The following PRAG1 variants were observed in gnomAD, a reference collection of about 807,000 sequenced individuals.
PRAG1 encodes inactive tyrosine-protein kinase PRAG1.
In PRAG1, 110 loss-of-function variants were observed where a neutral mutation model predicts 95.6. That is an observed-to-expected ratio of 1.15 (90% CI 0.99 to 1.35). PRAG1 has a LOEUF of 1.35. Among genes scored for constraint, PRAG1 ranks in the 40% most tolerant of loss-of-function variants. The pLI is 0.00. For synonymous variants in PRAG1, 1,052 were observed against 819.4 expected (o/e 1.28, Z -4.85); for missense variants, 2,554 against 1,864.7 (o/e 1.37, Z -6.81).
At chr8:8,348,210 C>T (rs1030779503) in intron 3 of PRAG1, among the ~76,000 whole-genome samples, 2 of 152,360 alleles carry the variant, frequency 1.3e-5, no homozygotes, top group Admixed American at 6.5e-5. Flanking sequence ...AGCCACCACA[C>T]CCAGCAATTC....
rs13269488 is a variant in PRAG1, at chr8:8,318,699, C to T, written c.3676G>A (p.Gly1226Ser). ...TTCTTCTGCTGCAGGTTTGGGGTGC[C>T]GCCCGGCTTCTGCTTGGCCTTCAAA... ...NFLKAKQKPG[G>S]TPNLQQKKSQ... The change falls in exon 6 of 6, where the codon GGC becomes AGC. Residue 1226 changes from glycine (G) to serine (S), a missense_variant. Transcript: ENST00000615670. The surrounding 1 kb of genome is among the most constrained non-coding windows in gnomAD (Gnocchi z 4.2). 0.53 allele frequency: 847,084 copies of T among 1,608,978 alleles called. 224,650 individuals carry two copies. The highest frequency in any genetic ancestry group is 0.58 in the East Asian group (26,106 of 44,690).
chr8:8,344,821 AC>A (rs758144399), intron 3 of PRAG1, among the ~76,000 whole-genome samples: 41 of 152,186 alleles, frequency 2.7e-4, no homozygotes, highest in Non-Finnish European at 5.9e-4. Context: ...TTTCCATCAG[AC>A]CCCTCAGTGG....
chr8:8,378,589 G>A (rs1004498161), intron 2 of PRAG1, among the ~76,000 whole-genome samples: 2 of 152,148 alleles, frequency 1.3e-5, no homozygotes, highest in Non-Finnish European at 2.9e-5. Context: ...GCCAGATGCC[G>A]TGGCTCATAC....
At chr8:8,325,403 A>G (rs765433934) in intron 5 of PRAG1, among the ~76,000 whole-genome samples, 21 of 151,912 alleles carry the variant, frequency 1.4e-4, no homozygotes, top group Non-Finnish European at 2.1e-4. Flanking sequence ...CAACTAGGAA[A>G]CCCCTGCGGC....
chr8:8,356,289 G>A (rs1585253243), intron 3 of PRAG1, among the ~76,000 whole-genome samples: 1 of 152,204 alleles, frequency 6.6e-6, no homozygotes, highest in African/African-American at 2.4e-5. Context: ...AGGGTGTGAA[G>A]AAAAGAGAAC....
chr8:8,345,742 C>A (rs995372809), intron 3 of PRAG1, among the ~76,000 whole-genome samples: 3 of 152,132 alleles, frequency 2.0e-5, no homozygotes, highest in Non-Finnish European at 4.4e-5. Flanking sequence ...TTGCAGTGAG[C>A]TGAGATGGCA....
chr8:8,378,960 C>T (rs555431705), intron 2 of PRAG1, among the ~76,000 whole-genome samples: 3 of 149,628 alleles, frequency 2.0e-5, no homozygotes, highest in Admixed American at 6.6e-5. Flanking sequence ...GTTTCTGAAC[C>T]GGATCAGGGT....
chr8:8,356,874 C>T (rs949692914), intron 3 of PRAG1, among the ~76,000 whole-genome samples: 1 of 152,056 alleles, frequency 6.6e-6, no homozygotes, highest in Non-Finnish European at 1.5e-5. Context: ...CAGAAACAAA[C>T]CCTCATGTAT....
chr8:8,347,324 A>G (rs1342270084), intron 3 of PRAG1, among the ~76,000 whole-genome samples: 2 of 152,196 alleles, frequency 1.3e-5, no homozygotes, highest in Non-Finnish European at 2.9e-5. Flanking sequence ...TCACCAGCTC[A>G]GAGCTCTCTG....
intron 4 of PRAG1, among the ~76,000 whole-genome samples, chr8:8,333,124 T>C (rs774327369): frequency 2.4e-4 from 36 of 152,334 alleles, no homozygotes; most frequent in South Asian, 4.1e-4. Flanking sequence ...GGTGTTGGAT[T>C]GCTGTTTCCA....
chr8:8,360,647 A>T (rs983868650), intron 3 of PRAG1, among the ~76,000 whole-genome samples: 1 of 152,266 alleles, frequency 6.6e-6, no homozygotes, highest in Non-Finnish European at 1.5e-5. Context: ...ACTCTTAGTA[A>T]CAAAGTGCAG....
chr8:8,360,054 C>T (rs1350820758), intron 3 of PRAG1, among the ~76,000 whole-genome samples: 1 of 152,138 alleles, frequency 6.6e-6, no homozygotes, highest in Non-Finnish European at 1.5e-5. Context: ...GAGTGAGCAG[C>T]TCCTGAGTCA....
At chr8:8,385,561 T>C (rs968411997) in intron 1 of PRAG1, among the ~76,000 whole-genome samples, 1 of 152,194 alleles carries the variant, frequency 6.6e-6, no homozygotes, top group African/African-American at 2.4e-5. Context: ...CTTCTGAGCC[T>C]GACTCCGCAC....
At position 8,376,763 on chromosome 8, in the gene PRAG1, G is replaced by C. The variant is rs1800416452; in HGVS notation, c.1646C>G (p.Ser549Cys). ...CGGGGACCCTACAGGGCTACTCTTG[G>C]ACAACTTGGGGGGAATGGCGGGCCT... The part of the protein sequence containing the change: ...KERPAIPPKL[S>C]KSSPVGSPVS... The change falls in exon 3 of 6, where the codon TCC (serine) becomes TGC (cysteine). Residue 549 changes from serine (S) to cysteine (C), a missense_variant. Physicochemically the swap from Ser to Cys is moderately radical, Grantham distance 112. Transcript: ENST00000615670. 5 of 1,610,518 alleles carry C rather than the reference G, an allele frequency of 3.1e-6. No homozygotes were observed. Among genetic ancestry groups the C allele is most frequent in the South Asian group, 2.2e-5 (2 of 91,056 alleles).
intron 4 of PRAG1, among the ~76,000 whole-genome samples, chr8:8,332,466 T>C (rs1033714849): frequency 6.6e-6 from 1 of 152,074 alleles, no homozygotes; most frequent in African/African-American, 2.4e-5. Context: ...GCCCGGTCTA[T>C]TATGATTTTT....
intron 3 of PRAG1, among the ~76,000 whole-genome samples, chr8:8,347,134 T>G (rs1208438793): frequency 6.6e-6 from 1 of 152,238 alleles, no homozygotes; most frequent in Non-Finnish European, 1.5e-5. Flanking sequence ...AATAATTGTC[T>G]CAAAGACTGA....
At chr8:8,335,748 C>T (rs984121919) in intron 4 of PRAG1, among the ~76,000 whole-genome samples, 1 of 151,318 alleles carries the variant, frequency 6.6e-6, no homozygotes. Flanking sequence ...TTTCTCCTGG[C>T]ACTCGCTGCC....
At chr8:8,333,099 T>A (rs913925872) in intron 4 of PRAG1, among the ~76,000 whole-genome samples, 4 of 152,208 alleles carry the variant, frequency 2.6e-5, no homozygotes, top group African/African-American at 7.2e-5. Context: ...CTCAGACACA[T>A]CCTGGTTTGA....
At chr8:8,382,492 G>A (rs1800714036) in intron 1 of PRAG1, among the ~76,000 whole-genome samples, 1 of 152,188 alleles carries the variant, frequency 6.6e-6, no homozygotes, top group Non-Finnish European at 1.5e-5. Context: ...ACTTGACCGT[G>A]TGCTGCTGAG....
Sources: allele counts gnomAD v4.1 joint callset (sites outside exome capture counted in the v4.1 genomes callset), GRCh38; gene constraint gnomAD v4.1.1; non-coding constraint Gnocchi (gnomAD v3.1); transcripts MANE v1.5; gene names NCBI Gene and HGNC (gene_info 2026-07-23, HGNC 2026-07-21).